The following ABLIM2 variants were observed in gnomAD, a reference collection of about 807,000 sequenced individuals.
The protein encoded by ABLIM2 is actin-binding LIM protein 2.
ABLIM2 carries 53 observed loss-of-function variants against 97.7 expected under a neutral mutation model. The observed-to-expected ratio is 0.54, with a 90% CI of 0.44 to 0.68. The LOEUF is 0.68. Ranked by LOEUF, ABLIM2 falls within the 30% of genes least tolerant of loss-of-function variation. The pLI is 0.00. For missense variants in ABLIM2, 835 were observed against 867.2 expected, an observed-to-expected ratio of 0.96 and a Z score of 0.47; for synonymous variants, 361 against 345.8, an observed-to-expected ratio of 1.04 and a Z score of -0.49.
chr4:8,088,769 G>A (rs1470829745), intron 3 of ABLIM2, among the ~76,000 whole-genome samples: 2 of 152,190 alleles, frequency 1.3e-5, no homozygotes, highest in East Asian at 1.9e-4. Flanking sequence ...GTAACCCCAC[G>A]CCATTCAACC....
chr4:8,137,032 G>A (rs548361327), intron 1 of ABLIM2, among the ~76,000 whole-genome samples: 80 of 152,354 alleles, frequency 5.3e-4, no homozygotes, highest in Middle Eastern at 6.8e-3. Context: ...ACAGTGAGAA[G>A]GCCCCATCTA....
rs115863473 is a variant in ABLIM2 at position 8,140,369 on chromosome 4, C to A, written c.10+18311G>T. 6.6e-6 allele frequency among the ~76,000 whole-genome samples: 1 copy of A among 152,146 alleles called. No individual in the cohort carries two copies. Among genetic ancestry groups the A allele is most frequent in the South Asian group, 2.1e-4 (1 of 4,832 alleles). On this transcript the variant is annotated intron_variant, in intron 1 of 20. Coordinates refer to ENST00000447017, the MANE Select transcript of ABLIM2 (RefSeq NM_001130083.2). The surrounding 1 kb of genome is among the most constrained non-coding windows in gnomAD (Gnocchi z 5.9). ...GGGAGCCATGCAGTGGGATCCTACA[C>A]GGCAGCTAAGGAATCAGCCATGGCA...
rs190401825 is a variant in ABLIM2, at chr4:8,022,214, G to A, written c.1268-1911C>T. On this transcript the variant is annotated intron_variant, in intron 12 of 20. Transcript: ENST00000447017. This position sits in a 1 kb window ranked among gnomAD's most constrained non-coding sequence, Gnocchi z 7.8. ...GCTGTGTGTGCTCTTGGCACAGCTC[G>A]TGGACCTGGGAGGCCAGGAAGGGCT... 9.1e-3 allele frequency among the ~76,000 whole-genome samples: 1,384 copies of A among 152,300 alleles called. 13 individuals carry two copies. The highest frequency in any genetic ancestry group is 0.037 in the Middle Eastern group (11 of 294).
intron 18 of ABLIM2, among the ~76,000 whole-genome samples, chr4:7,984,132 T>C (rs1330730444): frequency 2.6e-5 from 4 of 152,152 alleles, no homozygotes; most frequent in Admixed American, 6.6e-5. Context: ...AAGCAGTATC[T>C]ACAGAACCTG....
At position 7,970,363 on chromosome 4, in the gene ABLIM2, G is replaced by A. The variant is rs1646265419; in HGVS notation, c.1825-3260C>T. On this transcript the variant is annotated intron_variant, in intron 20 of 20. Coordinates refer to ENST00000447017, the MANE Select transcript of ABLIM2 (RefSeq NM_001130083.2). This position sits in a 1 kb window ranked among gnomAD's most constrained non-coding sequence, Gnocchi z 5.3. The stretch of plus-strand genomic sequence containing the variant: ...GGTGGGCAGAGGGAAGGTGTCAAGG[G>A]GGTGGTGTGCCCCCTGCCATCTGCA... Among the ~76,000 whole-genome samples, 1 of 152,056 alleles carries A rather than the reference G, an allele frequency of 6.6e-6. No homozygotes were observed. The highest frequency in any genetic ancestry group is 2.1e-4 in the South Asian group (1 of 4,826).
At chr4:8,042,619 C>G (rs905948501) in intron 9 of ABLIM2, among the ~76,000 whole-genome samples, 14 of 152,186 alleles carry the variant, frequency 9.2e-5, no homozygotes, top group African/African-American at 3.4e-4. Context: ...GCGAGTGGAT[C>G]ACCTGAGGTC....
Position 8,007,362 on chromosome 4 carries a change from C to T in ABLIM2, c.1618+697G>A, listed in dbSNP as rs562180527. The T allele has an allele frequency of 1.5e-5, 15 of 985,494 alleles. No homozygotes were observed. The Admixed American group carries it at 6.1e-4, about 40-fold the overall frequency. 61.0% of individuals were successfully genotyped at this position (985,494 alleles called of 1,614,324 possible). On this transcript the variant is annotated intron_variant, in intron 16 of 20. Coordinates refer to ENST00000447017, the MANE Select transcript of ABLIM2 (RefSeq NM_001130083.2). ...TCTCACACCCCCATCCATCCTCTCC[C>T]AGCCCCTGCTTCGAAGCTAAGCCCA...
intron 20 of ABLIM2, among the ~76,000 whole-genome samples, chr4:7,974,390 C>CCAAT (rs1731024813): frequency 1.2e-5 from 1 of 81,832 alleles, no homozygotes. Flanking sequence ...CACCCATCCA[C>CCAAT]CCATCCATCC....
At chr4:8,091,727 A>AAG (rs1828625240) in intron 3 of ABLIM2, among the ~76,000 whole-genome samples, 2 of 80,166 alleles carry the variant, frequency 2.5e-5, no homozygotes, top group Non-Finnish European at 4.2e-5. Flanking sequence ...TATAATATAT[A>AAG]TTATATTAAT....
chr4:8,130,198 T>C lies in ABLIM2; in HGVS notation c.11-23561A>G, dbSNP rs1849160507. Reference sequence around the variant, plus strand: ...AAGGAACTCAGCCAGCAGGTACTGATGGCTCACAGGGCCAGGGATGGAGAC... The same window carrying C: ...AAGGAACTCAGCCAGCAGGTACTGACGGCTCACAGGGCCAGGGATGGAGAC... On this transcript the variant is annotated intron_variant, in intron 1 of 20. Transcript: ENST00000447017. This position sits in a 1 kb window ranked among gnomAD's most constrained non-coding sequence, Gnocchi z 4.2. 6.6e-6 allele frequency among the ~76,000 whole-genome samples: 1 copy of C among 152,192 alleles called. No individual in the cohort carries two copies. The highest frequency in any genetic ancestry group is 1.5e-5 in the Non-Finnish European group (1 of 68,032).
chr4:8,007,902 T>C (rs1762454397), intron 16 of ABLIM2, 157 bp downstream of exon 16: 3 of 1,451,842 alleles, frequency 2.1e-6, no homozygotes, highest in Non-Finnish European at 2.7e-6. Context: ...AAAAGCCCCA[T>C]ATTTCCTTCC....
chr4:8,048,374 C>T (rs1579749735), intron 8 of ABLIM2, among the ~76,000 whole-genome samples: 1 of 152,242 alleles, frequency 6.6e-6, no homozygotes, highest in Non-Finnish European at 1.5e-5. Context: ...TGGCTCCAAT[C>T]CCCACCGGCT....
chr4:7,972,261 C>T (rs1278866749), intron 20 of ABLIM2, among the ~76,000 whole-genome samples: 1 of 152,204 alleles, frequency 6.6e-6, no homozygotes, highest in Non-Finnish European at 1.5e-5. Context: ...CACAGCCTTG[C>T]ACGCCTCTTC....
At chr4:7,972,321 T>C (rs12644609) in intron 20 of ABLIM2, among the ~76,000 whole-genome samples, 98,170 of 152,098 alleles carry the variant, frequency 0.65, 31,865 homozygotes, top group African/African-American at 0.67. Context: ...GGAAGCACCA[T>C]GCAGTGCTCC....
chr4:8,088,224 C>T lies in ABLIM2; in HGVS notation c.399G>A (p.Lys133=), dbSNP rs994108639. 1 of 1,613,138 alleles carries T rather than the reference C, an allele frequency of 6.2e-7. No homozygotes were observed. The highest frequency in any genetic ancestry group is 1.7e-5 in the Admixed American group (1 of 59,958). ...TGCCCACCGATACGGGCAGGGAACA[C>T]TTCTGGCACATGCATTCCTTCCCGT... is the stretch of plus-strand genomic sequence containing the variant. ...TFNGKECMCQ[K]CSLPVSVGSS... The change falls in exon 4 of 21, where the codon AAG becomes AAA. Residue 133 remains lysine (K), a synonymous_variant. Transcript: ENST00000447017.
chr4:8,137,070 C>T (rs1478047874), intron 1 of ABLIM2, among the ~76,000 whole-genome samples: 1 of 152,230 alleles, frequency 6.6e-6, no homozygotes, highest in African/African-American at 2.4e-5. Context: ...ACAGAGCCCA[C>T]TCTCCGTGCC....
chr4:8,032,059 G>A lies in ABLIM2; in HGVS notation c.1048-2283C>T, dbSNP rs530936754. Among the ~76,000 whole-genome samples the A allele has an allele frequency of 5.7e-4, 87 of 152,196 alleles. No individual in the cohort carries two copies. The highest frequency in any genetic ancestry group is 1.1e-3 in the Non-Finnish European group (73 of 68,010). On this transcript the variant is annotated intron_variant, in intron 10 of 20. Transcript: ENST00000447017. The surrounding 1 kb of genome is among the most constrained non-coding windows in gnomAD (Gnocchi z 4.3). ...TGTTTACAATGGCATCAAGCACAGG[G>A]GAAGAGCTCAGGGCACGGTCACTGC... is the stretch of plus-strand genomic sequence containing the variant.
Position 8,085,588 on chromosome 4 carries a change from C to T in ABLIM2, c.454+2581G>A, listed in dbSNP as rs537074223. Among the ~76,000 whole-genome samples the T allele has an allele frequency of 3.2e-4, 48 of 149,012 alleles. 1 individual carries two copies. The East Asian group carries it at 9.2e-3, about 29-fold the overall frequency. On this transcript the variant is annotated intron_variant, in intron 4 of 20. Transcript: ENST00000447017. The surrounding 1 kb of genome is among the most constrained non-coding windows in gnomAD (Gnocchi z 6.1). The stretch of plus-strand genomic sequence containing the variant: ...GGGGGTGCCCACGCTGCAGCCCCGT[C>T]CACTCACGCGGGTCTGGGGGGTGCC...
At position 8,072,006 on chromosome 4, in the gene ABLIM2, C is replaced by T. The variant is rs1244200689; in HGVS notation, c.675+5622G>A. The T allele has an allele frequency of 9.1e-6, 9 of 985,504 alleles. No individual in the cohort carries two copies. The highest frequency in any genetic ancestry group is 9.4e-5 in the South Asian group (2 of 21,290). 61.0% of individuals were successfully genotyped at this position (985,504 alleles called of 1,614,324 possible). ...CCTTCTGCGGAGCCAGGCTTGTCCC[C>T]GCCCGCAGTTCCCACCTTGCACCCG... On this transcript the variant is annotated intron_variant, in intron 6 of 20. Transcript: ENST00000447017. This position sits in a 1 kb window ranked among gnomAD's most constrained non-coding sequence, Gnocchi z 5.8.
Sources: gnomAD v4.1 joint callset for allele counts (sites outside exome capture counted in the v4.1 genomes callset) on GRCh38, gnomAD v4.1.1 for gene constraint, Gnocchi (gnomAD v3.1) non-coding constraint, MANE v1.5 for transcripts, NCBI Gene and HGNC (gene_info 2026-07-23, HGNC 2026-07-21) for gene names.